CAMTA1: variants seen among roughly 807,000 people sequenced by gnomAD.
CAMTA1 encodes calmodulin binding transcription activator 1.
A neutral mutation model predicts 170.9 loss-of-function variants in CAMTA1; 27 were observed. That is an observed-to-expected ratio of 0.16 (90% confidence interval 0.12 to 0.22). The LOEUF is 0.22. Among genes scored for constraint, CAMTA1 ranks in the 10% least tolerant of loss-of-function variants. The probability of loss-of-function intolerance (pLI) is 1.00; values close to 1 mark genes in which losing one functional copy is unlikely to be tolerated. For synonymous variants in CAMTA1, 833 were observed against 891.5 expected (o/e 0.93, Z 1.17); for missense variants, 1,619 against 2,217.2 (o/e 0.73, Z 5.42).
intron 1 of CAMTA1, among the ~76,000 whole-genome samples, chr1:6,790,509 C>T (rs954299889): frequency 2.0e-5 from 3 of 151,896 alleles, no homozygotes; most frequent in African/African-American, 7.3e-5. Context: ...AATATTTGAA[C>T]GGCAGCATCG....
chr1:7,588,478 C>T lies in CAMTA1; in HGVS notation c.511-51922C>T, dbSNP rs1387930370. On this transcript the variant is annotated intron_variant, in intron 6 of 22. Transcript: ENST00000303635. The surrounding 1 kb of genome is among the most constrained non-coding windows in gnomAD (Gnocchi z 5.8). ...CGTTTTATCAAAACCCTCACCATTG[C>T]CATCACCACCTCCATTTGACAGCTG... Among the ~76,000 whole-genome samples the T allele has an allele frequency of 6.6e-6, 1 of 152,240 alleles. No individual in the cohort carries two copies. The highest frequency in any genetic ancestry group is 2.4e-5 in the African/African-American group (1 of 41,466).
At chr1:7,421,978 TGGA>T (rs1407296084) in intron 5 of CAMTA1, among the ~76,000 whole-genome samples, 1 of 100,998 alleles carries the variant, frequency 9.9e-6, no homozygotes, top group African/African-American at 3.8e-5. Flanking sequence ...GCTGGGGGAG[TGGA>T]GGAGGGCATG....
chr1:6,860,632 G>A (rs1020472648), intron 3 of CAMTA1, among the ~76,000 whole-genome samples: 3 of 152,024 alleles, frequency 2.0e-5, no homozygotes, highest in Admixed American at 1.3e-4. Context: ...TATCAGGGCC[G>A]GGCGCAATGA....
At position 7,091,166 on chromosome 1, in the gene CAMTA1, T is replaced by C. The variant is rs1452101703; in HGVS notation, c.235-138T>C. 11 of 691,880 alleles carry C rather than the reference T, an allele frequency of 1.6e-5. No individual in the cohort carries two copies. In the East Asian group the frequency reaches 2.7e-4, roughly 17 times the overall value. 42.9% of individuals were successfully genotyped at this position (691,880 alleles called of 1,614,324 possible). Reference sequence around the variant, plus strand: ...AATCAAAATAGAAACAGAGTCCAAGTCGAGTATTTCTCTAGCAGGGATGGA... The same window carrying C: ...AATCAAAATAGAAACAGAGTCCAAGCCGAGTATTTCTCTAGCAGGGATGGA... On this transcript the variant is annotated intron_variant, in intron 3 of 22. Coordinates refer to ENST00000303635, the MANE Select transcript of CAMTA1 (RefSeq NM_015215.4).
In CAMTA1 at chr1:7,216,051, G is replaced by C. The variant is rs1001837673; in HGVS notation, c.303-33440G>C. 6.6e-6 allele frequency among the ~76,000 whole-genome samples: 1 copy of C among 152,204 alleles called. No individual in the cohort carries two copies. The highest frequency in any genetic ancestry group is 1.5e-5 in the Non-Finnish European group (1 of 68,048). ...GTTTAATTGACTCATGGTTCCACAG[G>C]CTTTACAGGAAGCATGGCTGGGGAG... On this transcript the variant is annotated intron_variant, in intron 4 of 22. Coordinates refer to ENST00000303635, the MANE Select transcript of CAMTA1 (RefSeq NM_015215.4). This position sits in a 1 kb window ranked among gnomAD's most constrained non-coding sequence, Gnocchi z 4.0.
At chr1:7,278,133 T>A (rs1237687434) in intron 5 of CAMTA1, among the ~76,000 whole-genome samples, 1 of 152,238 alleles carries the variant, frequency 6.6e-6, no homozygotes. Flanking sequence ...TCCATATGGC[T>A]ACATCATCCT....
chr1:7,664,597 A>G lies in CAMTA1; in HGVS notation c.2050A>G (p.Met684Val). 3 of 1,612,304 alleles carry G rather than the reference A, an allele frequency of 1.9e-6. No individual in the cohort carries two copies. The highest frequency in any genetic ancestry group is 2.5e-6 in the Non-Finnish European group (3 of 1,179,348). ...GCAGTTCCAGGCCAACTTCCAGGCC[A>G]TGACGGCAGAAGGGGAGGTCACCAT... ...LMQFQANFQA[M>V]TAEGEVTMET... The change falls in exon 9 of 23, where the codon ATG (methionine) becomes GTG (valine). Residue 684 changes from methionine to valine, a missense_variant. Met to Val is a conservative substitution (Grantham distance 21). This residue lies in a region of CAMTA1 where 731 missense variants were observed against 907.6 expected (regional missense o/e 0.81). Coordinates refer to ENST00000303635, the MANE Select transcript of CAMTA1 (RefSeq NM_015215.4).
In CAMTA1 at chr1:6,887,448, T is replaced by G. The variant is rs1673536345; in HGVS notation, c.234+62238T>G. Among the ~76,000 whole-genome samples, 1 of 152,222 alleles carries G rather than the reference T, an allele frequency of 6.6e-6. No homozygotes were observed. Among genetic ancestry groups the G allele is most frequent in the African/African-American group, 2.4e-5 (1 of 41,454 alleles). On this transcript the variant is annotated intron_variant, in intron 3 of 22. Coordinates refer to ENST00000303635, the MANE Select transcript of CAMTA1 (RefSeq NM_015215.4). This position sits in a 1 kb window ranked among gnomAD's most constrained non-coding sequence, Gnocchi z 4.1. The stretch of plus-strand genomic sequence containing the variant: ...CGAAGAAGTCAGACATATATGGTTG[T>G]ATGTACATGTGTATAGTATGTGGGT...
chr1:7,702,904 T>TGTAC (rs1346859396), intron 11 of CAMTA1, among the ~76,000 whole-genome samples: 1 of 152,154 alleles, frequency 6.6e-6, no homozygotes, highest in African/African-American at 2.4e-5. Flanking sequence ...TTTGATTGAA[T>TGTAC]GTACATCAGT....
chr1:6,914,309 G>A (rs897747703), intron 3 of CAMTA1, among the ~76,000 whole-genome samples: 14 of 151,958 alleles, frequency 9.2e-5, no homozygotes, highest in Admixed American at 3.9e-4. Flanking sequence ...TCACCATGTC[G>A]GCCAGGCTGG....
At chr1:7,239,380 G>A (rs924289399) in intron 4 of CAMTA1, among the ~76,000 whole-genome samples, 2 of 152,166 alleles carry the variant, frequency 1.3e-5, no homozygotes, top group African/African-American at 4.8e-5. Flanking sequence ...GCAATTGGTT[G>A]ATTATTTCTT....
intron 5 of CAMTA1, among the ~76,000 whole-genome samples, chr1:7,428,497 C>A (rs1008153886): frequency 1.3e-5 from 2 of 152,198 alleles, no homozygotes; most frequent in South Asian, 2.1e-4. Flanking sequence ...CCTCTGGTGG[C>A]TTCCCGGAGC....
At chr1:7,125,485 G>A (rs1352464258) in intron 4 of CAMTA1, among the ~76,000 whole-genome samples, 1 of 152,174 alleles carries the variant, frequency 6.6e-6, no homozygotes, top group East Asian at 1.9e-4. Context: ...AGACCATGAT[G>A]GGTGGCATAA....
chr1:6,820,094 T>C, intron 1 of CAMTA1, 87 bp from the exon 2 acceptor site: 1 of 798,000 alleles, frequency 1.3e-6, no homozygotes, highest in South Asian at 1.4e-5. Flanking sequence ...TAGATTCAGG[T>C]TTTGCATCTT....
At chr1:7,049,570 A>G (rs1211648768) in intron 3 of CAMTA1, among the ~76,000 whole-genome samples, 1 of 151,766 alleles carries the variant, frequency 6.6e-6, no homozygotes, top group Non-Finnish European at 1.5e-5. Flanking sequence ...GATTCTTCTG[A>G]CTCAGCCTCC....
At chr1:6,893,336 C>T (rs1674960816) in intron 3 of CAMTA1, among the ~76,000 whole-genome samples, 3 of 152,218 alleles carry the variant, frequency 2.0e-5, no homozygotes, top group Admixed American at 2.0e-4. Context: ...TGGAGCAGCA[C>T]CCAAAGCCAG....
chr1:7,644,822 A>C (rs1405280042), intron 7 of CAMTA1, among the ~76,000 whole-genome samples: 1 of 151,672 alleles, frequency 6.6e-6, no homozygotes, highest in Non-Finnish European at 1.5e-5. Flanking sequence ...TACTTTGGGG[A>C]AAGAGGTTCT....
intron 3 of CAMTA1, among the ~76,000 whole-genome samples, chr1:6,844,411 G>A (rs1239408184): frequency 1.3e-5 from 2 of 150,908 alleles, no homozygotes; most frequent in Admixed American, 6.6e-5. Context: ...AGTGGCTCGC[G>A]CCAGTAATCC....
At chr1:6,960,170 T>C (rs558431632) in intron 3 of CAMTA1, among the ~76,000 whole-genome samples, 1 of 152,368 alleles carries the variant, frequency 6.6e-6, no homozygotes, top group African/African-American at 2.4e-5. Flanking sequence ...TAGGATGTAA[T>C]TTAAAAGCAA....
Sources: gnomAD v4.1 joint callset for allele counts (sites outside exome capture counted in the v4.1 genomes callset) on GRCh38, gnomAD v4.1.1 for gene constraint, gnomAD v4.1.1 regional missense constraint, Gnocchi (gnomAD v3.1) non-coding constraint, MANE v1.5 for transcripts, NCBI Gene and HGNC (gene_info 2026-07-23, HGNC 2026-07-21) for gene names.